Variants in LYST observed in about 807,000 individuals in gnomAD.
LYST encodes lysosomal-trafficking regulator.
In LYST, 192 loss-of-function variants were observed where a neutral mutation model predicts 413.6. The ratio of observed to expected loss-of-function variants is 0.46; its 90% confidence interval spans 0.41 to 0.52. The LOEUF is 0.52. LYST is among the 20% of genes least tolerant of loss of function. The probability of loss-of-function intolerance (pLI) is 0.00; values close to 1 mark genes in which losing one functional copy is unlikely to be tolerated. For synonymous variants in LYST, 1,525 were observed against 1,567.3 expected, an observed-to-expected ratio of 0.97 and a Z score of 0.64; for missense variants, 3,815 against 4,499.9, an observed-to-expected ratio of 0.85 and a Z score of 4.35.
rs1261454187 is a variant in LYST at position 235,809,524 on chromosome 1, A to T, written c.1294T>A (p.Leu432Met). 1.2e-6 allele frequency: 2 copies of T among 1,613,992 alleles called. No individual in the cohort carries two copies. The highest frequency in any genetic ancestry group is 1.7e-6 in the Non-Finnish European group (2 of 1,179,996). ...NPFYFSQAMD[L>M]VQEFIQHHGF... ...TGATGCTGAATGAATTCTTGAACCA[A>T]ATCCATGGCTTGACTGAAGTAGAAG... Residue 432 changes from leucine (L) to methionine (M), a missense_variant, in exon 5 of 53, where the codon TTG becomes ATG. This residue lies in a region of LYST where 1,648 missense variants were observed against 1,810.3 expected (regional missense o/e 0.91). Coordinates refer to ENST00000389793, the MANE Select transcript of LYST (RefSeq NM_000081.4). The surrounding 1 kb of genome is among the most constrained non-coding windows in gnomAD (Gnocchi z 4.0).
chr1:235,706,435 A>C (rs1167974134), intron 44 of LYST, among the ~76,000 whole-genome samples: 1 of 152,020 alleles, frequency 6.6e-6, no homozygotes, highest in Non-Finnish European at 1.5e-5. Context: ...TTGTCCTATC[A>C]TTTTTCTTCA....
rs1341358457 is a variant in LYST at position 235,808,484 on chromosome 1, T to C, written c.2334A>G (p.Val778=). ...CLPQDVLQIY[V]KTLPILLKSR... is the part of the protein sequence containing the mutation. Reference sequence around the variant, plus strand: ...ATTTAAGCAGGATAGGCAGAGTTTTTACATAAATCTGAAGCACGTCCTGAG... The same window carrying C: ...ATTTAAGCAGGATAGGCAGAGTTTTCACATAAATCTGAAGCACGTCCTGAG... The change falls in exon 5 of 53, where the codon GTA becomes GTG. Residue 778 remains valine (V), a synonymous_variant. Transcript: ENST00000389793. 3 of 1,613,890 alleles carry C rather than the reference T, an allele frequency of 1.9e-6. No individual in the cohort carries two copies. The highest frequency in any genetic ancestry group is 1.3e-5 in the African/African-American group (1 of 75,014).
chr1:235,811,853 A>T (rs1572344167), intron 4 of LYST, among the ~76,000 whole-genome samples: 1 of 152,184 alleles, frequency 6.6e-6, no homozygotes. Context: ...TAAGTGATTA[A>T]CAATTTGTGA....
rs756132443 is a variant in LYST at position 235,759,022 on chromosome 1, G to A, written c.6831C>T (p.Ala2277=). 6.8e-6 allele frequency: 11 copies of A among 1,614,070 alleles called. No individual in the cohort carries two copies. The highest frequency in any genetic ancestry group is 1.7e-5 in the Admixed American group (1 of 59,992). Residue 2277 remains alanine (A), a synonymous_variant, in exon 23 of 53, where the codon GCC becomes GCT. Transcript: ENST00000389793. ...DRNTDDWENF[A]YSLGYEPNYN... The stretch of plus-strand genomic sequence containing the variant: ...AATTTGGCTCATAACCAAGAGAATA[G>A]GCAAAGTTTTCCCAATCATCAGTGT...
At chr1:235,737,916 A>AAATACCAG in intron 31 of LYST, 6 of 1,163,406 alleles carry the variant, frequency 5.2e-6, no homozygotes, top group East Asian at 8.3e-5. Context: ...GCTGCCGACG[A>AAATACCAG]GTCTGGATCT....
rs1666966803 is a variant in LYST, at chr1:235,755,605, CTT to C, written c.7100_7101del (p.Lys2367ArgfsTer2). ...AATCCACGATTCTTCAGAAATTTAT[CTT>C]TTTGTTCCTTAGATGCTCTAGCAAA... ...AYFARASKEQ[K>X]DKFLKNRGFS... On this transcript the variant is annotated frameshift_variant, in exon 25 of 53. Transcript: ENST00000389793. LOFTEE classifies it high-confidence loss of function. 1 of 1,613,384 alleles carries C rather than the reference CTT, an allele frequency of 6.2e-7. No homozygotes were observed. Among genetic ancestry groups the C allele is most frequent in the Admixed American group, 1.7e-5 (1 of 60,000 alleles).
chr1:235,752,938 G>A (rs1275425247), intron 26 of LYST, 106 bp downstream of exon 26: 2 of 639,550 alleles, frequency 3.1e-6, no homozygotes, highest in Admixed American at 2.7e-5. Context: ...TACACAGAAA[G>A]GCTTCTTACA....
chr1:235,809,861 C>G lies in LYST; in HGVS notation c.957G>C (p.Pro319=), dbSNP rs1342069351. 1.2e-6 allele frequency: 2 copies of G among 1,613,944 alleles called. No individual in the cohort carries two copies. Residue 319 remains proline, a synonymous_variant, in exon 5 of 53, where the codon CCG becomes CCC. Coordinates refer to ENST00000389793, the MANE Select transcript of LYST (RefSeq NM_000081.4). The surrounding 1 kb of genome is among the most constrained non-coding windows in gnomAD (Gnocchi z 4.0). ...RVVSAGWTEE[P]VALIQRMLFR... is the part of the protein sequence containing the mutation. The stretch of plus-strand genomic sequence containing the variant: ...AGAGCATCCTTTGAATCAAAGCCAC[C>G]GGTTCTTCGGTCCAACCTGCAGAAA...
intron 1 of LYST, among the ~76,000 whole-genome samples, chr1:235,878,286 G>A (rs145124875): frequency 3.5e-4 from 54 of 152,274 alleles, no homozygotes; most frequent in African/African-American, 1.2e-3. Context: ...TGAGTGATGA[G>A]GGAGTGGCTT....
At position 235,822,896 on chromosome 1, in the gene LYST, G is replaced by A. The variant is rs577836983; in HGVS notation, c.192+7330C>T. ...CTGAAAGATGAGAAGCCATGTGGAT[G>A]AGAACTGAGGCTGGCCAACAGCCCC... On this transcript the variant is annotated intron_variant, in intron 3 of 52. Transcript: ENST00000389793. Among the ~76,000 whole-genome samples the A allele has an allele frequency of 6.6e-5, 10 of 152,338 alleles. No homozygotes were observed. The South Asian group carries it at 2.1e-3, about 32-fold the overall frequency.
At chr1:235,882,407 C>G (rs1300322294) in intron 1 of LYST, among the ~76,000 whole-genome samples, 1 of 152,136 alleles carries the variant, frequency 6.6e-6, no homozygotes, top group Non-Finnish European at 1.5e-5. Context: ...GGACTTTATT[C>G]CATAGGTACT....
upstream of LYST, among the ~76,000 whole-genome samples, chr1:235,869,388 C>T (rs147356085): frequency 6.6e-6 from 1 of 152,112 alleles, no homozygotes; most frequent in Non-Finnish European, 1.5e-5. Context: ...AGGAGAATAG[C>T]GTGAACCCGG....
intron 1 of LYST, among the ~76,000 whole-genome samples, chr1:235,861,867 A>G (rs1435526984): frequency 1.3e-5 from 2 of 152,236 alleles, no homozygotes; most frequent in African/African-American, 4.8e-5. Flanking sequence ...AATTTGATTT[A>G]GAAGATCTTC....
At chr1:235,689,047 C>CAATAAT (rs149581246) in intron 47 of LYST, among the ~76,000 whole-genome samples, 5,107 of 141,306 alleles carry the variant, frequency 0.036, 341 homozygotes, top group African/African-American at 0.13. Flanking sequence ...ACAACAACAA[C>CAATAAT]AATAATATCC....
intron 29 of LYST, 90 bp from the exon 30 acceptor site, chr1:235,744,247 TTTAA>T: frequency 2.8e-6 from 2 of 720,772 alleles, no homozygotes; most frequent in Non-Finnish European, 5.0e-6. Context: ...AAATATTGTA[TTTAA>T]TTACTAATTC....
chr1:235,812,011 T>G (rs1226634467), intron 4 of LYST, among the ~76,000 whole-genome samples: 1 of 152,142 alleles, frequency 6.6e-6, no homozygotes, highest in Admixed American at 6.5e-5. Flanking sequence ...CAATAATTTT[T>G]TTTTTAACCT....
intron 19 of LYST, among the ~76,000 whole-genome samples, chr1:235,772,928 T>A (rs560823747): frequency 6.6e-6 from 1 of 152,342 alleles, no homozygotes; most frequent in Admixed American, 6.5e-5. Context: ...AAACTTTGCA[T>A]GGGAAATAAG....
intron 1 of LYST, among the ~76,000 whole-genome samples, chr1:235,878,664 T>C: frequency 6.6e-6 from 1 of 152,158 alleles, no homozygotes; most frequent in Non-Finnish European, 1.5e-5. Flanking sequence ...CCTGACTTGT[T>C]TCCTGCCAAA....
At chr1:235,685,554 A>G (rs1185290111) in intron 48 of LYST, among the ~76,000 whole-genome samples, 1 of 152,202 alleles carries the variant, frequency 6.6e-6, no homozygotes, top group Non-Finnish European at 1.5e-5. Context: ...TGGAAAAAAA[A>G]GTAAGAACCT....
Sources: allele counts gnomAD v4.1 joint callset (sites outside exome capture counted in the v4.1 genomes callset), GRCh38; gene constraint gnomAD v4.1.1; regional missense constraint gnomAD v4.1.1; non-coding constraint Gnocchi (gnomAD v3.1); transcripts MANE v1.5; gene names NCBI Gene and HGNC (gene_info 2026-07-23, HGNC 2026-07-21).